Variants in SCAF8 observed in about 807,000 individuals in gnomAD.
The protein encoded by SCAF8 is SR-related and CTD-associated factor 8.
Under a neutral mutation model 140.5 loss-of-function variants are expected in SCAF8, and 23 were observed. The observed-to-expected ratio is 0.16, with a 90% CI of 0.12 to 0.23. The LOEUF (loss-of-function observed/expected upper bound fraction) is 0.23, where lower values mean the gene tolerates loss of function less well. Ranked by LOEUF, SCAF8 falls within the 10% of genes least tolerant of loss-of-function variation. The probability of loss-of-function intolerance (pLI) is 1.00; values close to 1 mark genes in which losing one functional copy is unlikely to be tolerated. For missense variants in SCAF8, 1,397 were observed against 1,555.7 expected (o/e 0.90, Z 1.72); for synonymous variants, 575 against 528.9 (o/e 1.09, Z -1.20).
chr6:154,827,482 G>A (rs1778598555), intron 18 of SCAF8, among the ~76,000 whole-genome samples: 2 of 152,204 alleles, frequency 1.3e-5, no homozygotes, highest in East Asian at 3.9e-4. Flanking sequence ...CATCCTATTT[G>A]TGTGTTTTTT....
intron 1 of SCAF8, among the ~76,000 whole-genome samples, chr6:154,737,989 C>T (rs570278767): frequency 7.2e-5 from 11 of 152,134 alleles, no homozygotes; most frequent in Non-Finnish European, 1.3e-4. Context: ...TTGTGGAGAT[C>T]ATTGGTTTGA....
At chr6:154,818,438 T>G (rs763064853) in intron 13 of SCAF8, 41 bp from the exon 14 acceptor site, 18 of 1,080,662 alleles carry the variant, frequency 1.7e-5, no homozygotes, top group Admixed American at 1.3e-4. Context: ...AGAATGAGTT[T>G]CTGTTCTTAT....
At chr6:154,753,901 G>C (rs1381218322) in intron 1 of SCAF8, among the ~76,000 whole-genome samples, 1 of 152,156 alleles carries the variant, frequency 6.6e-6, no homozygotes, top group African/African-American at 2.4e-5. Flanking sequence ...GCAGTGGCAT[G>C]ATCATAGCTC....
intron 3 of SCAF8, among the ~76,000 whole-genome samples, chr6:154,783,817 C>G (rs1313633352): frequency 2.0e-5 from 3 of 152,000 alleles, no homozygotes; most frequent in Admixed American, 6.6e-5. Context: ...CCTATAATCC[C>G]AGCACTTTGG....
Position 154,832,936 on chromosome 6 carries a change from A to G in SCAF8, c.3357A>G (p.Glu1119=). 1 of 1,614,136 alleles carries G rather than the reference A, an allele frequency of 6.2e-7. No individual in the cohort carries two copies. The change falls in exon 20 of 20, where the codon GAA becomes GAG. Residue 1119 remains glutamate (E), a synonymous_variant. Coordinates refer to ENST00000367178, the MANE Select transcript of SCAF8 (RefSeq NM_014892.5). ...VYGGPKGLHE[E]RGRFRSGNYR... ...GTGGTCCAAAAGGCTTACATGAAGAAAGAGGTAGATTTCGGTCTGGAAACT... is the reference window on the plus strand; with the variant it reads ...GTGGTCCAAAAGGCTTACATGAAGAGAGAGGTAGATTTCGGTCTGGAAACT...
At chr6:154,734,983 G>A (rs1582985777) in intron 1 of SCAF8, among the ~76,000 whole-genome samples, 2 of 152,198 alleles carry the variant, frequency 1.3e-5, no homozygotes, top group African/African-American at 2.4e-5. Flanking sequence ...AATTAGCTGG[G>A]CGTAGTGGCA....
chr6:154,793,732 T>C (rs1433733414), intron 5 of SCAF8, among the ~76,000 whole-genome samples: 1 of 149,502 alleles, frequency 6.7e-6, no homozygotes. Flanking sequence ...GGAGAATCGC[T>C]TGAACCCAGG....
intron 3 of SCAF8, among the ~76,000 whole-genome samples, chr6:154,784,466 A>AC (rs1311583641): frequency 2.6e-5 from 4 of 152,052 alleles, no homozygotes; most frequent in Non-Finnish European, 5.9e-5. Context: ...TATTTAAGAA[A>AC]CCAGGGATGT....
intron 12 of SCAF8, 66 bp downstream of exon 12, chr6:154,810,274 A>C (rs964693956): frequency 8.2e-7 from 1 of 1,215,850 alleles, no homozygotes. Context: ...ATCTGCTACA[A>C]AGTCTCTCAG....
chr6:154,779,741 T>G (rs1381903944), intron 3 of SCAF8, among the ~76,000 whole-genome samples: 2 of 151,446 alleles, frequency 1.3e-5, no homozygotes, highest in East Asian at 1.9e-4. Context: ...AACAGATTTG[T>G]GTAATGGTTA....
chr6:154,762,510 T>C (rs1187840424), intron 1 of SCAF8, among the ~76,000 whole-genome samples: 2 of 152,140 alleles, frequency 1.3e-5, no homozygotes, highest in African/African-American at 2.4e-5. Context: ...TGTCCCACCA[T>C]ATTCATAGGT....
At chr6:154,777,388 A>G (rs1429131121) in intron 2 of SCAF8, among the ~76,000 whole-genome samples, 1 of 152,182 alleles carries the variant, frequency 6.6e-6, no homozygotes, top group Non-Finnish European at 1.5e-5. Context: ...CTTAAAATTG[A>G]TAGTGGCCAA....
rs758982206 is a variant in SCAF8 at position 154,824,281 on chromosome 6, A to G, written c.1974A>G (p.Ala658=). 1.9e-6 allele frequency: 3 copies of G among 1,614,102 alleles called. No homozygotes were observed. Among genetic ancestry groups the G allele is most frequent in the Admixed American group, 1.7e-5 (1 of 60,016 alleles). ...CTACAGTTAGTTTAGTCCCACCAGCATTTCCTGTGTCGATGCCGGTTCCTC... is the reference window on the plus strand; with the variant it reads ...CTACAGTTAGTTTAGTCCCACCAGCGTTTCCTGTGTCGATGCCGGTTCCTC... The part of the protein sequence containing the change: ...AVPTVSLVPP[A]FPVSMPVPPP... Residue 658 remains alanine, a synonymous_variant, in exon 17 of 20, where the codon GCA becomes GCG. Coordinates refer to ENST00000367178, the MANE Select transcript of SCAF8 (RefSeq NM_014892.5).
Position 154,818,577 on chromosome 6 carries a change from G to C in SCAF8, c.1620G>C (p.Gly540=). Residue 540 remains glycine (G), a synonymous_variant, in exon 14 of 20, where the codon GGG becomes GGC. Coordinates refer to ENST00000367178, the MANE Select transcript of SCAF8 (RefSeq NM_014892.5). ...TCAGTTCTGGATCATATAAAATTGG[G>C]TCCAAGGTCATTAAGGTGAGATTTG... The part of the protein sequence containing the change: ...QKLSSGSYKI[G]SKVIKIAWAL... The C allele has an allele frequency of 1.0e-5, 16 of 1,587,182 alleles. No individual in the cohort carries two copies. The highest frequency in any genetic ancestry group is 1.4e-5 in the Non-Finnish European group (16 of 1,161,274).
chr6:154,740,159 A>G (rs1778530958), intron 1 of SCAF8, among the ~76,000 whole-genome samples: 1 of 152,150 alleles, frequency 6.6e-6, no homozygotes, highest in Admixed American at 6.6e-5. Context: ...TAAAGGAAGG[A>G]AGTCTTTCAC....
intron 4 of SCAF8, among the ~76,000 whole-genome samples, chr6:154,792,172 AAAG>A (rs1260303300): frequency 1.3e-5 from 2 of 152,160 alleles, no homozygotes; most frequent in Non-Finnish European, 2.9e-5. Context: ...AGTAAAGAAT[AAAG>A]AAGAGGGAAT....
chr6:154,807,679 T>A (rs577022548), intron 9 of SCAF8, among the ~76,000 whole-genome samples: 4 of 152,352 alleles, frequency 2.6e-5, no homozygotes, highest in Admixed American at 2.6e-4. Context: ...GTGCCTGGCC[T>A]GTTTTTTCTT....
At chr6:154,766,744 T>C (rs1365921221) in intron 1 of SCAF8, among the ~76,000 whole-genome samples, 1 of 147,652 alleles carries the variant, frequency 6.8e-6, no homozygotes, top group Admixed American at 6.8e-5. Flanking sequence ...TATGAAGTCA[T>C]GTGCAACATC....
chr6:154,754,794 T>A (rs115470525), intron 1 of SCAF8, among the ~76,000 whole-genome samples: 1 of 152,252 alleles, frequency 6.6e-6, no homozygotes, highest in Non-Finnish European at 1.5e-5. Context: ...TTATTCCTTA[T>A]CTTTTCAACT....
Sources: allele counts gnomAD v4.1 joint callset (sites outside exome capture counted in the v4.1 genomes callset), GRCh38; gene constraint gnomAD v4.1.1; transcripts MANE v1.5; gene names NCBI Gene and HGNC (gene_info 2026-07-23, HGNC 2026-07-21).